API5: variants seen among roughly 807,000 people sequenced by gnomAD.
The protein encoded by API5 is FIF.
API5 carries 6 observed loss-of-function variants against 71.9 expected under a neutral mutation model. The observed-to-expected ratio is 0.08, with a 90% CI of 0.05 to 0.16. API5 has a LOEUF of 0.16. API5 is among the 10% of genes least tolerant of loss of function. The probability of loss-of-function intolerance (pLI) is 1.00; values close to 1 mark genes in which losing one functional copy is unlikely to be tolerated. For missense variants in API5, 332 were observed against 612.8 expected, an observed-to-expected ratio of 0.54 and a Z score of 4.84; for synonymous variants, 189 against 221.3, an observed-to-expected ratio of 0.85 and a Z score of 1.30.
At chr11:43,335,638 A>G (rs920856472) in intron 12 of API5, among the ~76,000 whole-genome samples, 1 of 152,182 alleles carries the variant, frequency 6.6e-6, no homozygotes, top group African/African-American at 2.4e-5. Flanking sequence ...CTGTGAAGCT[A>G]CATATTTCAG....
intron 11 of API5, among the ~76,000 whole-genome samples, chr11:43,333,140 T>A (rs576795053): frequency 6.6e-6 from 1 of 152,154 alleles, no homozygotes; most frequent in African/African-American, 2.4e-5. Flanking sequence ...ATGCAGTCAA[T>A]ACAGGCCTTC....
chr11:43,341,387 A>G (rs1487133369), intron 13 of API5, among the ~76,000 whole-genome samples: 4 of 152,244 alleles, frequency 2.6e-5, no homozygotes, highest in Admixed American at 2.6e-4. Context: ...GGTATTATAC[A>G]CAATGGGATA....
rs935821413 is a variant in API5, at chr11:43,336,335, C to T, written c.1492+341C>T. 3 of 342,938 alleles carry T rather than the reference C, an allele frequency of 8.7e-6. No homozygotes were observed. The Admixed American group carries it at 1.3e-4, about 15-fold the overall frequency. 21.2% of individuals were successfully genotyped at this position (342,938 alleles called of 1,614,324 possible). A position where few individuals can be genotyped will look rare whatever the true frequency, so the allele number is the denominator to read the frequency against. ...TTCAAGGCAAGGCATTCTGTGCATT[C>T]TCCCTCAGGGATGGGTATAGCTTCT... is the stretch of plus-strand genomic sequence containing the variant. On this transcript the variant is annotated intron_variant, in intron 13 of 13. Coordinates refer to ENST00000531273, the MANE Select transcript of API5 (RefSeq NM_001142930.2).
At chr11:43,324,760 C>G (rs572648310) in intron 6 of API5, among the ~76,000 whole-genome samples, 136 of 152,222 alleles carry the variant, frequency 8.9e-4, no homozygotes, top group African/African-American at 3.1e-3. Context: ...TGACTGCAAC[C>G]TCCACCTCCC....
At position 43,312,030 on chromosome 11, in the gene API5, G is replaced by T; in HGVS notation, c.-98G>T. On this transcript the variant is annotated 5_prime_UTR_variant, in exon 1 of 14. Transcript: ENST00000531273. ...GGCTGCACTGGCGGCAGCTGGAGGT[G>T]TAATAGTGCGGGTAGTGGGTTTGGA... 7.3e-7 allele frequency: 1 copy of T among 1,372,026 alleles called. No individual in the cohort carries two copies. The highest frequency in any genetic ancestry group is 1.0e-6 in the Non-Finnish European group (1 of 983,668). 85.0% of individuals were successfully genotyped at this position (1,372,026 alleles called of 1,614,324 possible).
intron 1 of API5, among the ~76,000 whole-genome samples, chr11:43,315,659 A>G (rs1854644057): frequency 6.6e-6 from 1 of 152,114 alleles, no homozygotes; most frequent in Admixed American, 6.6e-5. Flanking sequence ...TAATACCTCA[A>G]ATCTTCCAGT....
rs963687289 is a variant in API5 at position 43,326,628 on chromosome 11, G to T, written c.855+17G>T. ...CAGTTGGAGGTAAGCAAAAATTTCA[G>T]CTTTAGCACTGATAAGGCATTCTTA... On this transcript the variant is annotated intron_variant, in intron 7 of 13. Coordinates refer to ENST00000531273, the MANE Select transcript of API5 (RefSeq NM_001142930.2). 2 of 1,393,216 alleles carry T rather than the reference G, an allele frequency of 1.4e-6. No homozygotes were observed. Among genetic ancestry groups the T allele is most frequent in the African/African-American group, 2.9e-5 (2 of 69,858 alleles). 86.3% of individuals were successfully genotyped at this position (1,393,216 alleles called of 1,614,324 possible).
At chr11:43,320,355 A>G (rs779191930) in intron 2 of API5, among the ~76,000 whole-genome samples, 2 of 151,974 alleles carry the variant, frequency 1.3e-5, no homozygotes, top group Non-Finnish European at 2.9e-5. Context: ...ATTGGAGCAA[A>G]TTCTTTTTAA....
At chr11:43,325,892 G>A (rs994246177) in intron 6 of API5, among the ~76,000 whole-genome samples, 2 of 152,196 alleles carry the variant, frequency 1.3e-5, no homozygotes, top group Non-Finnish European at 2.9e-5. Flanking sequence ...AAAGAATAAT[G>A]TCTGCTTATT....
chr11:43,342,478 C>G lies in API5; in HGVS notation c.1543C>G (p.Arg515Gly), dbSNP rs1565116226. Residue 515 changes from arginine to glycine, a missense_variant, in exon 14 of 14, where the codon CGA (arginine) becomes GGA (glycine). Arg to Gly is a moderately radical substitution (Grantham distance 125). Coordinates refer to ENST00000531273, the MANE Select transcript of API5 (RefSeq NM_001142930.2). ...GSRGGRGWGT[R>G]GNRSRGRLY is the part of the protein sequence containing the mutation. ...TAGAGGTGGCCGAGGTTGGGGCACA[C>G]GAGGAAATCGTAGTCGGGGAAGACT... 6.2e-7 allele frequency: 1 copy of G among 1,612,618 alleles called. No homozygotes were observed. Among genetic ancestry groups the G allele is most frequent in the African/African-American group, 1.3e-5 (1 of 74,870 alleles).
chr11:43,322,848 A>G (rs1375987628), intron 5 of API5, among the ~76,000 whole-genome samples: 1 of 152,140 alleles, frequency 6.6e-6, no homozygotes, highest in Non-Finnish European at 1.5e-5. Context: ...TATTTTACCT[A>G]TGCCCCAGCT....
intron 13 of API5, among the ~76,000 whole-genome samples, chr11:43,338,937 T>G (rs931681422): frequency 6.6e-6 from 1 of 152,144 alleles, no homozygotes; most frequent in Non-Finnish European, 1.5e-5. Context: ...AATGCAGAAG[T>G]CATGGCCCAC....
rs75314199 is a variant in API5, at chr11:43,341,460, T to A, written c.1493-968T>A. 1.8e-4 allele frequency among the ~76,000 whole-genome samples: 28 copies of A among 152,264 alleles called. 1 individual carries two copies. The East Asian group carries it at 5.0e-3, about 27-fold the overall frequency. ...AGCAACATGGAAGGAACTGGAGGACTTTATAGTAGGTGAAATAAGCCAGCA... is the reference window on the plus strand; with the variant it reads ...AGCAACATGGAAGGAACTGGAGGACATTATAGTAGGTGAAATAAGCCAGCA... On this transcript the variant is annotated intron_variant, in intron 13 of 13. Transcript: ENST00000531273.
intron 6 of API5, 58 bp from the exon 7 acceptor site, chr11:43,326,449 A>G (rs992220635): frequency 3.7e-6 from 4 of 1,089,528 alleles, no homozygotes; most frequent in African/African-American, 1.6e-5. Flanking sequence ...AAATTCTGCT[A>G]TAATATTTGA....
intron 12 of API5, 27 bp downstream of exon 12, chr11:43,335,381 A>C (rs5743251): frequency 0.047 from 69,281 of 1,466,584 alleles, 2,007 homozygotes; most frequent in African/African-American, 0.064. Context: ...AAAGAGATTT[A>C]AGTGTTATCA....
At chr11:43,328,616 C>T (rs930863660) in intron 8 of API5, 96 bp from the exon 9 acceptor site, 37 of 1,107,312 alleles carry the variant, frequency 3.3e-5, no homozygotes, top group Non-Finnish European at 4.8e-5. Context: ...TTTAATGCTC[C>T]ATGCCTTAAA....
rs909007862 is a variant in API5, at chr11:43,330,835, GT to G, written c.1278+276del. 1.8e-4 allele frequency among the ~76,000 whole-genome samples: 27 copies of G among 152,270 alleles called. No homozygotes were observed. The Middle Eastern group carries it at 0.01, about 58-fold the overall frequency. On this transcript the variant is annotated intron_variant, in intron 11 of 13. Coordinates refer to ENST00000531273, the MANE Select transcript of API5 (RefSeq NM_001142930.2). Reference sequence around the variant, plus strand: ...CATGTGGTATGTAGCACAATGAAATGTTTTTCTGTGTTTGTTTTTTATAAAC... The same window carrying G: ...CATGTGGTATGTAGCACAATGAAATGTTTTCTGTGTTTGTTTTTTATAAAC...
chr11:43,312,822 T>C (rs1403332287), intron 1 of API5, among the ~76,000 whole-genome samples: 1 of 152,072 alleles, frequency 6.6e-6, no homozygotes, highest in Non-Finnish European at 1.5e-5. Flanking sequence ...AGATAGGCAT[T>C]GTGAGGCCCG....
chr11:43,332,488 G>A (rs1855290051), intron 11 of API5, among the ~76,000 whole-genome samples: 1 of 152,078 alleles, frequency 6.6e-6, no homozygotes, highest in Non-Finnish European at 1.5e-5. Context: ...ATAGAACTCA[G>A]GGAAACACTT....
Sources: allele counts gnomAD v4.1 joint callset (sites outside exome capture counted in the v4.1 genomes callset), GRCh38; gene constraint gnomAD v4.1.1; transcripts MANE v1.5; gene names NCBI Gene and HGNC (gene_info 2026-07-23, HGNC 2026-07-21).